PPP2R2B: variants seen among roughly 807,000 people sequenced by gnomAD.
PPP2R2B encodes the protein serine/threonine-protein phosphatase 2A 55 kDa regulatory subunit B beta isoform.
PPP2R2B carries 5 observed loss-of-function variants against 46.0 expected under a neutral mutation model. The ratio of observed to expected loss-of-function variants is 0.11; its 90% CI spans 0.06 to 0.23. The LOEUF (loss-of-function observed/expected upper bound fraction) is 0.23, where lower values mean the gene tolerates loss of function less well. PPP2R2B is among the 10% of genes least tolerant of loss of function. The probability of loss-of-function intolerance (pLI) is 1.00; values close to 1 mark genes in which losing one functional copy is unlikely to be tolerated. For missense variants in PPP2R2B, 367 were observed against 575.0 expected (o/e 0.64, Z 3.70); for synonymous variants, 215 against 206.7 (o/e 1.04, Z -0.34).
chr5:146,937,119 T>C (rs898842000), intron 1 of PPP2R2B, among the ~76,000 whole-genome samples: 5 of 152,080 alleles, frequency 3.3e-5, no homozygotes, highest in Non-Finnish European at 5.9e-5. Flanking sequence ...CTGGCTAACA[T>C]GGTGAAACCC....
intron 1 of PPP2R2B, among the ~76,000 whole-genome samples, chr5:147,016,799 G>T (rs571438969): frequency 6.6e-6 from 1 of 151,632 alleles, no homozygotes; most frequent in African/African-American, 2.4e-5. Context: ...AAGGCAAGAA[G>T]ACTTGAAATC....
At chr5:146,746,337 C>T (rs537852015) in intron 2 of PPP2R2B, among the ~76,000 whole-genome samples, 6 of 151,802 alleles carry the variant, frequency 4.0e-5, no homozygotes, top group Non-Finnish European at 8.8e-5. Flanking sequence ...GATGACACAA[C>T]ATCTGTATTA....
At chr5:146,752,661 G>T (rs1172263364) in intron 2 of PPP2R2B, among the ~76,000 whole-genome samples, 1 of 152,174 alleles carries the variant, frequency 6.6e-6, no homozygotes, top group African/African-American at 2.4e-5. Context: ...CCAGGTTTTT[G>T]GGGTGTGTGT....
At chr5:147,031,845 G>A (rs1561588303) in intron 1 of PPP2R2B, among the ~76,000 whole-genome samples, 1 of 152,152 alleles carries the variant, frequency 6.6e-6, no homozygotes, top group Non-Finnish European at 1.5e-5. Context: ...CTAGCCACAT[G>A]TAGGATAATG....
At chr5:146,621,387 C>T (rs1773685351) in intron 7 of PPP2R2B, among the ~76,000 whole-genome samples, 1 of 152,204 alleles carries the variant, frequency 6.6e-6, no homozygotes, top group African/African-American at 2.4e-5. Context: ...GGACGTAAAC[C>T]CAACTCTGGC....
chr5:146,923,955 C>T (rs1763695691), intron 1 of PPP2R2B, among the ~76,000 whole-genome samples: 1 of 152,150 alleles, frequency 6.6e-6, no homozygotes, highest in Non-Finnish European at 1.5e-5. Context: ...GGCCATTATC[C>T]TTACCAAACT....
chr5:146,916,060 C>T (rs1329378719), intron 1 of PPP2R2B, among the ~76,000 whole-genome samples: 6 of 152,082 alleles, frequency 3.9e-5, no homozygotes, highest in African/African-American at 1.2e-4. Context: ...GAAGACAATA[C>T]ATTAGTATAG....
chr5:146,672,248 C>T (rs322984), intron 5 of PPP2R2B, among the ~76,000 whole-genome samples: 3,349 of 152,242 alleles, frequency 0.022, 116 homozygotes, highest in African/African-American at 0.077. Context: ...TTCGAGTCCT[C>T]AAAAGGCAAA....
chr5:146,700,997 C>T (rs904262907), intron 3 of PPP2R2B, 48 bp downstream of exon 3: 7 of 1,499,728 alleles, frequency 4.7e-6, no homozygotes, highest in Non-Finnish European at 6.5e-6. Flanking sequence ...TAGGAGGCCT[C>T]CTTTAAAAAG....
At chr5:146,776,550 C>T (rs1393955721) in intron 2 of PPP2R2B, among the ~76,000 whole-genome samples, 2 of 151,896 alleles carry the variant, frequency 1.3e-5, no homozygotes, top group African/African-American at 4.8e-5. Flanking sequence ...AAAACTGTTG[C>T]AAGAAAATAT....
chr5:147,020,292 T>C (rs992815244), intron 1 of PPP2R2B, among the ~76,000 whole-genome samples: 1 of 152,128 alleles, frequency 6.6e-6, no homozygotes, highest in African/African-American at 2.4e-5. Context: ...AAAGCCCACA[T>C]ATTTTGTAAT....
intron 1 of PPP2R2B, among the ~76,000 whole-genome samples, chr5:146,992,620 A>T (rs547927278): frequency 6.6e-6 from 1 of 152,258 alleles, no homozygotes; most frequent in African/African-American, 2.4e-5. Context: ...GTGTTGGGGG[A>T]GTGGAAACCC....
intron 5 of PPP2R2B, among the ~76,000 whole-genome samples, chr5:146,690,617 G>A (rs929886736): frequency 6.6e-6 from 1 of 152,204 alleles, no homozygotes; most frequent in Non-Finnish European, 1.5e-5. Context: ...AAGTCCACGA[G>A]CAGTACGTAC....
At chr5:146,655,145 G>A (rs919307313) in intron 5 of PPP2R2B, among the ~76,000 whole-genome samples, 18 of 152,274 alleles carry the variant, frequency 1.2e-4, no homozygotes, top group African/African-American at 4.1e-4. Context: ...CTCTGACCCT[G>A]GTTGAGTTTC....
intron 2 of PPP2R2B, among the ~76,000 whole-genome samples, chr5:146,824,985 A>G (rs577890853): frequency 9.6e-4 from 146 of 152,280 alleles, no homozygotes; most frequent in African/African-American, 3.2e-3. Context: ...AGCCTCCCCA[A>G]AGTTCTGGGA....
intron 2 of PPP2R2B, among the ~76,000 whole-genome samples, chr5:146,855,804 A>T (rs934536605): frequency 1.3e-5 from 2 of 152,186 alleles, no homozygotes; most frequent in African/African-American, 2.4e-5. Context: ...GAGGCTGTAA[A>T]GCTAAAGCCT....
upstream of PPP2R2B, chr5:146,878,952 A>G (rs1288998878): frequency 2.7e-6 from 3 of 1,120,630 alleles, no homozygotes; most frequent in African/African-American, 5.0e-5. The surrounding 1 kb of genome is among the most constrained non-coding windows in gnomAD (Gnocchi z 4.5). Context: ...GGTGGAACGC[A>G]TAGACGCGCT....
At chr5:146,972,540 C>T (rs907929281) in intron 1 of PPP2R2B, among the ~76,000 whole-genome samples, 6 of 151,946 alleles carry the variant, frequency 3.9e-5, no homozygotes, top group East Asian at 1.9e-4. Context: ...GCTGAAACCC[C>T]GTCTCTACTA....
chr5:147,031,172 G>A (rs1190794554), intron 1 of PPP2R2B, among the ~76,000 whole-genome samples: 1 of 152,000 alleles, frequency 6.6e-6, no homozygotes, highest in African/African-American at 2.4e-5. Context: ...GGGAGGCGGA[G>A]CTTGCAGTGA....
Sources: gnomAD v4.1 joint callset for allele counts (sites outside exome capture counted in the v4.1 genomes callset) on GRCh38, gnomAD v4.1.1 for gene constraint, Gnocchi (gnomAD v3.1) non-coding constraint, MANE v1.5 for transcripts, NCBI Gene and HGNC (gene_info 2026-07-23, HGNC 2026-07-21) for gene names.